Variants in WNT2B observed in about 807,000 individuals in gnomAD.
WNT2B encodes the protein Wnt family member 2B, also known as protein Wnt-2b.
WNT2B carries 19 observed loss-of-function variants against 40.5 expected under a neutral mutation model. The ratio of observed to expected loss-of-function variants is 0.47; its 90% CI spans 0.33 to 0.69. WNT2B has a LOEUF of 0.69. Among genes scored for constraint, WNT2B ranks in the 30% least tolerant of loss-of-function variants. WNT2B has a pLI of 0.02. For missense variants in WNT2B, 467 were observed against 556.4 expected, an observed-to-expected ratio of 0.84 and a Z score of 1.62; for synonymous variants, 220 against 211.9, an observed-to-expected ratio of 1.04 and a Z score of -0.33.
At chr1:112,505,963 T>C (rs1652093393), upstream of WNT2B, among the ~76,000 whole-genome samples, 2 of 152,146 alleles carry the variant, frequency 1.3e-5, no homozygotes, top group African/African-American at 4.8e-5. Context: ...TGTACCCCCC[T>C]CACCCCTCCC....
At chr1:112,466,720 A>G (rs1361767012) in exon 1 of WNT2B, 1 of 152,204 alleles carries the variant, frequency 6.6e-6, no homozygotes, top group Non-Finnish European at 1.5e-5. Context: ...GGCCAGGAGG[A>G]TTCTATCTAT....
intron 1 of WNT2B, among the ~76,000 whole-genome samples, chr1:112,491,854 G>A (rs967073635): frequency 6.6e-5 from 10 of 152,214 alleles, no homozygotes; most frequent in East Asian, 1.9e-4. Flanking sequence ...TTGTGCCACC[G>A]TACTCCTGCC....
intron 1 of WNT2B, among the ~76,000 whole-genome samples, chr1:112,480,369 A>G (rs1454096410): frequency 6.8e-6 from 1 of 147,012 alleles, no homozygotes; most frequent in Non-Finnish European, 1.5e-5. Context: ...CCGTCTCAAA[A>G]AAAAAAAAAA....
chr1:112,511,274 G>GA (rs1363710001), intron 1 of WNT2B, among the ~76,000 whole-genome samples: 1 of 152,142 alleles, frequency 6.6e-6, no homozygotes, highest in Non-Finnish European at 1.5e-5. Flanking sequence ...GACACAGAGT[G>GA]ACTTAGCAGC....
chr1:112,497,178 T>A (rs1465624442), intron 1 of WNT2B, among the ~76,000 whole-genome samples: 1 of 152,074 alleles, frequency 6.6e-6, no homozygotes, highest in Non-Finnish European at 1.5e-5. Context: ...GCATTGCAAG[T>A]CCATGCCTCA....
chr1:112,502,099 C>T (rs912720255), intron 1 of WNT2B, among the ~76,000 whole-genome samples: 2 of 152,250 alleles, frequency 1.3e-5, no homozygotes, highest in African/African-American at 4.8e-5. Context: ...CTGGCCAGGC[C>T]TGGCCTGAGC....
At chr1:112,507,039 C>T (rs1359969851), upstream of WNT2B, among the ~76,000 whole-genome samples, 1 of 152,210 alleles carries the variant, frequency 6.6e-6, no homozygotes, top group Non-Finnish European at 1.5e-5. Context: ...CGTACACCAG[C>T]CCACTCCTGC....
intron 1 of WNT2B, among the ~76,000 whole-genome samples, chr1:112,475,342 AAACTAATAAC>A (rs1158100655): frequency 6.6e-6 from 1 of 152,256 alleles, no homozygotes; most frequent in Non-Finnish European, 1.5e-5. Context: ...AGGCAAAATA[AAACTAATAAC>A]AAATCTGCAT....
At chr1:112,475,752 AGAAG>A (rs1361199803) in intron 1 of WNT2B, among the ~76,000 whole-genome samples, 1 of 152,188 alleles carries the variant, frequency 6.6e-6, no homozygotes, top group Non-Finnish European at 1.5e-5. Flanking sequence ...ATAATCTATA[AGAAG>A]GAAAGAAGAA....
At position 112,520,263 on chromosome 1, in the gene WNT2B, T is replaced by A; in HGVS notation, c.947-17T>A. On this transcript the variant is annotated splice_polypyrimidine_tract_variant and intron_variant, in intron 4 of 4. Coordinates refer to ENST00000369684, the MANE Select transcript of WNT2B (RefSeq NM_024494.3). ...AAGAGATAACTTTGTTCTCACTCCC[T>A]CTCTTCCCCAACCCAGGTTCCCTAG... is the stretch of plus-strand genomic sequence containing the variant. The A allele has an allele frequency of 6.2e-7, 1 of 1,610,434 alleles. No individual in the cohort carries two copies.
chr1:112,498,090 C>T (rs1219662419), intron 1 of WNT2B, among the ~76,000 whole-genome samples: 1 of 151,884 alleles, frequency 6.6e-6, no homozygotes, highest in East Asian at 1.9e-4. Context: ...CCCCAACCCC[C>T]GATAGGCCCC....
At chr1:112,500,879 T>A (rs1340411103) in intron 1 of WNT2B, among the ~76,000 whole-genome samples, 4 of 152,216 alleles carry the variant, frequency 2.6e-5, no homozygotes, top group African/African-American at 9.6e-5. Flanking sequence ...ATTACAAACA[T>A]CTTTCTTACA....
At position 112,511,196 on chromosome 1, in the gene WNT2B, G is replaced by A. The variant is rs551165851; in HGVS notation, c.182+1752G>A. Among the ~76,000 whole-genome samples the A allele has an allele frequency of 2.2e-4, 33 of 151,270 alleles. No homozygotes were observed. The South Asian group carries it at 4.0e-3, about 18-fold the overall frequency. On this transcript the variant is annotated intron_variant, in intron 1 of 4. Coordinates refer to ENST00000369684, the MANE Select transcript of WNT2B (RefSeq NM_024494.3). ...TCCCTCTACTACCCTCCCCTGATGTGGTTCATATTAAAGATTCTGGAAAAA... is the reference window on the plus strand; with the variant it reads ...TCCCTCTACTACCCTCCCCTGATGTAGTTCATATTAAAGATTCTGGAAAAA...
At chr1:112,500,918 C>A (rs186820682) in intron 1 of WNT2B, among the ~76,000 whole-genome samples, 1 of 152,342 alleles carries the variant, frequency 6.6e-6, no homozygotes, top group Admixed American at 6.5e-5. Flanking sequence ...GTTGTCACAA[C>A]AGTGGACCAA....
At chr1:112,493,710 A>G (rs944760224) in intron 1 of WNT2B, among the ~76,000 whole-genome samples, 7 of 152,174 alleles carry the variant, frequency 4.6e-5, no homozygotes, top group Non-Finnish European at 1.5e-5. Context: ...GGACAACTAT[A>G]AAAGGTATAA....
upstream of WNT2B, among the ~76,000 whole-genome samples, chr1:112,507,873 A>G (rs967949527): frequency 6.6e-6 from 1 of 152,260 alleles, no homozygotes; most frequent in Non-Finnish European, 1.5e-5. Context: ...AGGATTTTAA[A>G]AAGAATTTTA....
intron 1 of WNT2B, chr1:112,491,104 G>C (rs1557912357): frequency 6.2e-7 from 1 of 1,609,922 alleles, no homozygotes; most frequent in South Asian, 1.1e-5. Context: ...TAAAATGTCA[G>C]ATAACCAATT....
chr1:112,493,437 G>A (rs116684661), intron 1 of WNT2B, among the ~76,000 whole-genome samples: 7,963 of 152,138 alleles, frequency 0.052, 232 homozygotes, highest in Middle Eastern at 0.069. Flanking sequence ...GGGCAACATA[G>A]TGAGACCCTG....
upstream of WNT2B, among the ~76,000 whole-genome samples, chr1:112,505,974 T>C (rs370354376): frequency 1.3e-5 from 2 of 152,284 alleles, no homozygotes; most frequent in African/African-American, 4.8e-5. Flanking sequence ...CACCCCTCCC[T>C]TCAGCTCAGA....
Sources: allele counts gnomAD v4.1 joint callset (sites outside exome capture counted in the v4.1 genomes callset), GRCh38; gene constraint gnomAD v4.1.1; transcripts MANE v1.5; gene names NCBI Gene and HGNC (gene_info 2026-07-23, HGNC 2026-07-21).